TNKS: variants seen among roughly 807,000 people sequenced by gnomAD.
TNKS encodes poly [ADP-ribose] polymerase tankyrase-1.
In TNKS, 72 loss-of-function variants were observed where a neutral mutation model predicts 135.8. The ratio of observed to expected loss-of-function variants is 0.53; its 90% CI spans 0.44 to 0.64. TNKS has a LOEUF of 0.64. Ranked by LOEUF, TNKS falls within the 30% of genes least tolerant of loss-of-function variation. The pLI is 0.00. For missense variants in TNKS, 1,769 were observed against 1,674.0 expected, an observed-to-expected ratio of 1.06 and a Z score of -0.99; for synonymous variants, 849 against 649.3, an observed-to-expected ratio of 1.31 and a Z score of -4.68.
In TNKS at chr8:9,776,657, C is replaced by G; in HGVS notation, c.3905C>G (p.Pro1302Arg). 6.2e-7 allele frequency: 1 copy of G among 1,613,922 alleles called. No individual in the cohort carries two copies. The highest frequency in any genetic ancestry group is 2.2e-5 in the East Asian group (1 of 44,872). ...TCTTCTTGTCCTTCCCAGGCATACC[C>G]AGAGTATCTTATCACTTACCAGATC... is the stretch of plus-strand genomic sequence containing the variant. The part of the protein sequence containing the change: ...YVIYRGEQAY[P>R]EYLITYQIMK... The change falls in exon 27 of 27, where the codon CCA (proline) becomes CGA (arginine). Residue 1302 changes from proline (P) to arginine (R), a missense_variant. This residue lies in a region of TNKS where 722 missense variants were observed against 688.9 expected (regional missense o/e 1.05). Coordinates refer to ENST00000310430, the MANE Select transcript of TNKS (RefSeq NM_003747.3).
chr8:9,676,163 C>CA (rs1802525596), intron 3 of TNKS, among the ~76,000 whole-genome samples: 1 of 152,026 alleles, frequency 6.6e-6, no homozygotes, highest in African/African-American at 2.4e-5. Flanking sequence ...CAGCATCCAC[C>CA]ACCATGCCTG....
Position 9,710,212 on chromosome 8 carries a change from G to T in TNKS, c.1741G>T (p.Gly581Cys). ...NDVMEVLHKHGAKMNALDTLG... is the reference protein window; with the variant it reads ...NDVMEVLHKHCAKMNALDTLG... Reference sequence around the variant, plus strand: ...TGTCATGGAAGTTCTGCATAAGCATGGCGCCAAGGTGAGGCACACACCTGA... The same window carrying T: ...TGTCATGGAAGTTCTGCATAAGCATTGCGCCAAGGTGAGGCACACACCTGA... Residue 581 changes from glycine to cysteine, a missense_variant, in exon 11 of 27, where the codon GGC becomes TGC. By Grantham distance (159) the Gly-to-Cys change is radical. This residue lies in a region of TNKS where 523 missense variants were observed against 541.0 expected (regional missense o/e 0.97). Transcript: ENST00000310430. 1 of 1,614,186 alleles carries T rather than the reference G, an allele frequency of 6.2e-7. No individual in the cohort carries two copies. The highest frequency in any genetic ancestry group is 8.5e-7 in the Non-Finnish European group (1 of 1,180,024).
At chr8:9,652,605 T>A (rs986677681) in intron 3 of TNKS, among the ~76,000 whole-genome samples, 4 of 152,242 alleles carry the variant, frequency 2.6e-5, no homozygotes, top group African/African-American at 7.2e-5. Flanking sequence ...TATTTAAATA[T>A]TAATTCTTTT....
At chr8:9,635,392 T>C (rs1800472201) in intron 3 of TNKS, among the ~76,000 whole-genome samples, 1 of 152,124 alleles carries the variant, frequency 6.6e-6, no homozygotes, top group Admixed American at 6.5e-5. Flanking sequence ...TTTCTTACTG[T>C]AGAATGCCTA....
intron 13 of TNKS, among the ~76,000 whole-genome samples, chr8:9,727,496 G>C (rs185985643): frequency 3.3e-5 from 5 of 152,220 alleles, no homozygotes; most frequent in African/African-American, 1.2e-4. Context: ...TCAAACTCCT[G>C]GGGCTCAAGC....
intron 3 of TNKS, among the ~76,000 whole-genome samples, chr8:9,669,741 A>G (rs1384027821): frequency 6.6e-6 from 1 of 152,132 alleles, no homozygotes; most frequent in Non-Finnish European, 1.5e-5. Flanking sequence ...AACCTAATTA[A>G]ATAATGTAGT....
At chr8:9,632,552 T>C (rs1172440002) in intron 3 of TNKS, among the ~76,000 whole-genome samples, 3 of 152,214 alleles carry the variant, frequency 2.0e-5, no homozygotes, top group African/African-American at 7.2e-5. Context: ...GGTAACTCTT[T>C]CTTTCAGCTG....
At chr8:9,713,992 A>G (rs944685340) in intron 11 of TNKS, among the ~76,000 whole-genome samples, 1 of 152,220 alleles carries the variant, frequency 6.6e-6, no homozygotes, top group Non-Finnish European at 1.5e-5. Context: ...CACTGCTTCT[A>G]GCACCCTGCT....
At chr8:9,605,858 A>G (rs1194880817) in intron 2 of TNKS, among the ~76,000 whole-genome samples, 3 of 152,042 alleles carry the variant, frequency 2.0e-5, no homozygotes, top group East Asian at 3.9e-4. Flanking sequence ...TGTCTTACAT[A>G]TGTGTTGCAA....
At chr8:9,655,744 C>T (rs1276570619) in intron 3 of TNKS, among the ~76,000 whole-genome samples, 1 of 152,070 alleles carries the variant, frequency 6.6e-6, no homozygotes, top group Non-Finnish European at 1.5e-5. Flanking sequence ...CCCATCTGTA[C>T]GTCACCATCA....
chr8:9,610,381 G>C (rs1404819753), intron 2 of TNKS, among the ~76,000 whole-genome samples: 2 of 150,598 alleles, frequency 1.3e-5, no homozygotes, highest in African/African-American at 4.9e-5. Context: ...TAATATAATG[G>C]CATAGTTTAT....
chr8:9,723,737 A>G (rs1212203584), intron 12 of TNKS, among the ~76,000 whole-genome samples: 1 of 152,246 alleles, frequency 6.6e-6, no homozygotes, highest in Non-Finnish European at 1.5e-5. Context: ...CATTTCAGGT[A>G]TTCCGTAGTC....
intron 26 of TNKS, chr8:9,772,491 G>A (rs1238212704): frequency 2.2e-6 from 1 of 448,414 alleles, no homozygotes; most frequent in Non-Finnish European, 4.5e-6. Context: ...CTTCAAAAAT[G>A]TTAATATTAT....
intron 2 of TNKS, among the ~76,000 whole-genome samples, chr8:9,584,900 G>A (rs1798309962): frequency 6.6e-6 from 1 of 152,196 alleles, no homozygotes; most frequent in African/African-American, 2.4e-5. Context: ...GGTGTATGGT[G>A]TTCCAACGCA....
intron 26 of TNKS, among the ~76,000 whole-genome samples, chr8:9,773,303 A>G (rs904312259): frequency 4.6e-5 from 7 of 152,188 alleles, no homozygotes; most frequent in African/African-American, 1.7e-4. Context: ...AAACATATTC[A>G]TATGTCTGAT....
intron 5 of TNKS, among the ~76,000 whole-genome samples, chr8:9,699,398 T>G (rs1803688344): frequency 6.6e-6 from 1 of 152,156 alleles, no homozygotes; most frequent in African/African-American, 2.4e-5. Flanking sequence ...GTAAATTTCT[T>G]TTTTCCCAAA....
rs535228166 is a variant in TNKS, at chr8:9,613,034, T to G, written c.899-2548T>G. 3.9e-5 allele frequency among the ~76,000 whole-genome samples: 6 copies of G among 152,212 alleles called. No individual in the cohort carries two copies. In the South Asian group the frequency reaches 6.2e-4, roughly 16 times the overall value. ...GCTGAGAAGGAGGGTGAGGAGTGGT[T>G]GTTCTTGCTGTCTCAGGGGTGGCAG... On this transcript the variant is annotated intron_variant, in intron 2 of 26. Coordinates refer to ENST00000310430, the MANE Select transcript of TNKS (RefSeq NM_003747.3).
At chr8:9,668,325 AG>A (rs1802099296) in intron 3 of TNKS, among the ~76,000 whole-genome samples, 1 of 152,230 alleles carries the variant, frequency 6.6e-6, no homozygotes, top group Admixed American at 6.5e-5. Context: ...AGCTAATAAA[AG>A]CACCTTTAGA....
At chr8:9,652,055 T>C (rs982231285) in intron 3 of TNKS, among the ~76,000 whole-genome samples, 4 of 149,978 alleles carry the variant, frequency 2.7e-5, no homozygotes, top group African/African-American at 9.7e-5. Context: ...AAAAATGACA[T>C]GTATTAAATA....
Sources: gnomAD v4.1 joint callset for allele counts (sites outside exome capture counted in the v4.1 genomes callset) on GRCh38, gnomAD v4.1.1 for gene constraint, gnomAD v4.1.1 regional missense constraint, MANE v1.5 for transcripts, NCBI Gene and HGNC (gene_info 2026-07-23, HGNC 2026-07-21) for gene names.